ZFP41: variants seen among roughly 807,000 people sequenced by gnomAD.
ZFP41 encodes the protein zinc finger protein 41 homolog.
A neutral mutation model predicts 11.6 loss-of-function variants in ZFP41; 10 were observed. The observed-to-expected ratio is 0.86, with a 90% CI of 0.53 to 1.47. The LOEUF is 1.47. Among genes scored for constraint, ZFP41 ranks in the 40% most tolerant of loss-of-function variants. ZFP41 has a pLI of 0.00. For synonymous variants in ZFP41, 123 were observed against 100.9 expected (o/e 1.22, Z -1.31); for missense variants, 302 against 264.6 (o/e 1.14, Z -0.98).
chr8:143,255,274 G>A (rs1814878761), intron 2 of ZFP41, among the ~76,000 whole-genome samples: 1 of 152,240 alleles, frequency 6.6e-6, no homozygotes, highest in South Asian at 2.1e-4. Flanking sequence ...TTTCCCAGGT[G>A]TGAAATGGCG....
At chr8:143,252,046 A>G (rs571418427) in intron 2 of ZFP41, among the ~76,000 whole-genome samples, 1 of 152,172 alleles carries the variant, frequency 6.6e-6, no homozygotes, top group Non-Finnish European at 1.5e-5. Context: ...AGCCTCTCTC[A>G]TGCCCACTGC....
chr8:143,260,842 C>T lies in ZFP41; in HGVS notation c.*1968C>T, dbSNP rs536868822. Reference sequence around the variant, plus strand: ...ATCCTCCCAGCCTCACTCGGCCAGCCGAGCTCTGTAGGCCTCAGAGTGCAG... The same window carrying T: ...ATCCTCCCAGCCTCACTCGGCCAGCTGAGCTCTGTAGGCCTCAGAGTGCAG... On this transcript the variant is annotated 3_prime_UTR_variant, in exon 3 of 3. Coordinates refer to ENST00000330701, the MANE Select transcript of ZFP41 (RefSeq NM_173832.6). 3.5e-4 allele frequency: 62 copies of T among 179,136 alleles called. No homozygotes were observed. Among genetic ancestry groups the T allele is most frequent in the Middle Eastern group, 5.2e-3 (2 of 382 alleles). The allele number at this position is 179,136 out of a possible 1,614,324, so 11.1% of individuals were successfully genotyped here.
chr8:143,258,396 A>G lies in ZFP41; in HGVS notation c.*901-1379A>G, dbSNP rs111276353. On this transcript the variant is annotated intron_variant, in intron 2 of 2. Transcript: ENST00000330701. The stretch of plus-strand genomic sequence containing the variant: ...CCTCCCTTCCTGTGACTGAGAGAGA[A>G]GGACTCAGAGATGGCAGAGCCACAC... Among the ~76,000 whole-genome samples, 108 of 152,280 alleles carry G rather than the reference A, an allele frequency of 7.1e-4. 1 individual carries two copies. The highest frequency in any genetic ancestry group is 2.5e-3 in the African/African-American group (103 of 41,554).
At chr8:143,252,755 C>A in intron 2 of ZFP41, 1 of 471,836 alleles carries the variant, frequency 2.1e-6, no homozygotes, top group Non-Finnish European at 2.8e-6. Flanking sequence ...CTCCCCGGGG[C>A]TGTGGTCAGC....
At chr8:143,249,208 C>T (rs141133598) in intron 1 of ZFP41, 1 of 152,630 alleles carries the variant, frequency 6.6e-6, no homozygotes, top group East Asian at 1.9e-4. Context: ...ATGAGGGGTT[C>T]TGCTGGCTGC....
chr8:143,248,279 G>A (rs1816729679), intron 1 of ZFP41: 1 of 152,218 alleles, frequency 6.6e-6, no homozygotes, highest in Non-Finnish European at 1.5e-5. Flanking sequence ...CTAGGATTTG[G>A]AGATAAAAAA....
At chr8:143,252,402 G>A (rs1814787643) in intron 2 of ZFP41, among the ~76,000 whole-genome samples, 1 of 152,262 alleles carries the variant, frequency 6.6e-6, no homozygotes, top group African/African-American at 2.4e-5. Context: ...GTGTGGCTGT[G>A]CTCGCCTGCG....
Position 143,250,519 on chromosome 8 carries a change from G to A in ZFP41, c.*79G>A, listed in dbSNP as rs1298469219. On this transcript the variant is annotated 3_prime_UTR_variant, in exon 2 of 3. Coordinates refer to ENST00000330701, the MANE Select transcript of ZFP41 (RefSeq NM_173832.6). ...GCTCCGTGGCTCCCTCGTGTCCCGC[G>A]TCTGATGGGGGCGCAGGGCCGTGCG... The A allele has an allele frequency of 1.9e-5, 29 of 1,547,770 alleles. No individual in the cohort carries two copies. Among genetic ancestry groups the A allele is most frequent in the Middle Eastern group, 2.1e-4 (1 of 4,814 alleles).
At chr8:143,252,999 A>G (rs1243846489) in intron 2 of ZFP41, 1 of 152,138 alleles carries the variant, frequency 6.6e-6, no homozygotes, top group African/African-American at 2.4e-5. Flanking sequence ...GAATACTCGC[A>G]CTCCCAGAAA....
At chr8:143,253,227 T>A (rs1198045321) in intron 2 of ZFP41, 1 of 152,326 alleles carries the variant, frequency 6.6e-6, no homozygotes, top group East Asian at 1.9e-4. Context: ...GTCCTCCTAC[T>A]GCAGATGCAC....
At position 143,250,835 on chromosome 8, in the gene ZFP41, A is replaced by C; in HGVS notation, c.*395A>C. ...CTCCTGGTGTAGTGGGCAGCCCAGC[A>C]CTTCCCGCTGCTGCCTGCCTGTGAT... On this transcript the variant is annotated 3_prime_UTR_variant, in exon 2 of 3. Transcript: ENST00000330701. 4 of 238,572 alleles carry C rather than the reference A, an allele frequency of 1.7e-5. No homozygotes were observed. The highest frequency in any genetic ancestry group is 2.7e-5 in the Non-Finnish European group (3 of 111,640). The allele number at this position is 238,572 out of a possible 1,614,324, so 14.8% of individuals were successfully genotyped here.
chr8:143,250,333 A>G lies in ZFP41; in HGVS notation c.490A>G (p.Thr164Ala), dbSNP rs770218698. ...CGSNLLKHQK[T>A]HTGEKPYECT... is the part of the protein sequence containing the mutation. The stretch of plus-strand genomic sequence containing the variant: ...CTCCAATCTCCTGAAACATCAGAAG[A>G]CGCACACCGGGGAGAAGCCCTACGA... Residue 164 changes from threonine (T) to alanine (A), a missense_variant, in exon 2 of 3, where the codon ACG becomes GCG. Transcript: ENST00000330701. The G allele has an allele frequency of 1.2e-6, 2 of 1,613,852 alleles. No individual in the cohort carries two copies. Among genetic ancestry groups the G allele is most frequent in the African/African-American group, 2.7e-5 (2 of 74,924 alleles).
Position 143,260,650 on chromosome 8 carries a change from CTT to C in ZFP41, c.*1777_*1778del, listed in dbSNP as rs552808586. On this transcript the variant is annotated 3_prime_UTR_variant, in exon 3 of 3. Transcript: ENST00000330701. ...AGCAGACACCATCCTTCCAGCCTCT[CTT>C]GGCCACCCGGACCAGCGGGCACCAC... 352 of 188,618 alleles carry C rather than the reference CTT, an allele frequency of 1.9e-3. 2 individuals carry two copies. The highest frequency in any genetic ancestry group is 8.0e-3 in the African/African-American group (335 of 41,814). The allele number at this position is 188,618 out of a possible 1,614,324, so 11.7% of individuals were successfully genotyped here. A position where few individuals can be genotyped will look rare whatever the true frequency, so the allele number is the denominator to read the frequency against.
chr8:143,254,208 A>G (rs564370796), intron 2 of ZFP41, among the ~76,000 whole-genome samples: 1 of 152,296 alleles, frequency 6.6e-6, no homozygotes, highest in African/African-American at 2.4e-5. Flanking sequence ...ACCAGAAGCC[A>G]AGCAGATACC....
At position 143,260,137 on chromosome 8, in the gene ZFP41, ATCGTGCAGGGAAGCACCCTGTGAAG is replaced by A. The variant is rs1563730587; in HGVS notation, c.*1281_*1305del. Reference sequence around the variant, plus strand: ...ATCGTGCAGGGAAGCACCCTCTGAAATCGTGCAGGGAAGCACCCTGTGAAGTCGTGCAGGGAAGCACCTTCTGAAA... The same window carrying A: ...ATCGTGCAGGGAAGCACCCTCTGAAATCGTGCAGGGAAGCACCTTCTGAAA... On this transcript the variant is annotated 3_prime_UTR_variant, in exon 3 of 3. Coordinates refer to ENST00000330701, the MANE Select transcript of ZFP41 (RefSeq NM_173832.6). 2.6e-5 allele frequency: 4 copies of A among 151,400 alleles called. No individual in the cohort carries two copies. Among genetic ancestry groups the A allele is most frequent in the Admixed American group, 1.3e-4 (2 of 15,188 alleles). The allele number at this position is 151,400 out of a possible 1,614,324, so 9.4% of individuals were successfully genotyped here. A position where few individuals can be genotyped will look rare whatever the true frequency, so the allele number is the denominator to read the frequency against.
chr8:143,249,847 G>A lies in ZFP41; in HGVS notation c.4G>A (p.Glu2Lys), dbSNP rs1305669909. ...CACGCTTCCAAGGAACAGAATGATG[G>A]AGAAGCCTGCAGGCAGAAAAAAGAA... MEKPAGRKKKTP... is the reference protein window; with the variant it reads MKKPAGRKKKTP... Residue 2 changes from glutamate to lysine, a missense_variant, in exon 2 of 3, where the codon GAG (glutamate) becomes AAG (lysine). By Grantham distance (56) the Glu-to-Lys change is moderately conservative. Transcript: ENST00000330701. 6.3e-7 allele frequency: 1 copy of A among 1,591,120 alleles called. No individual in the cohort carries two copies. Among genetic ancestry groups the A allele is most frequent in the Non-Finnish European group, 8.5e-7 (1 of 1,171,994 alleles).
chr8:143,252,088 A>G (rs1344677816), intron 2 of ZFP41, among the ~76,000 whole-genome samples: 2 of 152,198 alleles, frequency 1.3e-5, no homozygotes, highest in African/African-American at 4.8e-5. Context: ...GTGTCTCCTC[A>G]CTTCCCCTTC....
rs1224228952 is a variant in ZFP41 at position 143,251,278 on chromosome 8, C to G, written c.*838C>G. 1 of 167,324 alleles carries G rather than the reference C, an allele frequency of 6.0e-6. No individual in the cohort carries two copies. The highest frequency in any genetic ancestry group is 1.5e-5 in the Non-Finnish European group (1 of 68,364). The allele number at this position is 167,324 out of a possible 1,614,324, so 10.4% of individuals were successfully genotyped here. A position where few individuals can be genotyped will look rare whatever the true frequency, so the allele number is the denominator to read the frequency against. On this transcript the variant is annotated 3_prime_UTR_variant, in exon 2 of 3. Transcript: ENST00000330701. ...TCGGCAGCTTCGGTCCAGCCTGCAT[C>G]TGCCCCTCGGCCTTCCGACGTGGGC...
At position 143,250,771 on chromosome 8, in the gene ZFP41, G is replaced by C. The variant is rs906646475; in HGVS notation, c.*331G>C. 2 of 371,746 alleles carry C rather than the reference G, an allele frequency of 5.4e-6. No individual in the cohort carries two copies. Among genetic ancestry groups the C allele is most frequent in the African/African-American group, 4.1e-5 (2 of 48,974 alleles). The allele number at this position is 371,746 out of a possible 1,614,324, so 23.0% of individuals were successfully genotyped here. On this transcript the variant is annotated 3_prime_UTR_variant, in exon 2 of 3. Coordinates refer to ENST00000330701, the MANE Select transcript of ZFP41 (RefSeq NM_173832.6). ...AGGGAGTATTCACTGCCATCCATTGGACGTGTTTGGGTCACCTCAGAGCAC... is the reference window on the plus strand; with the variant it reads ...AGGGAGTATTCACTGCCATCCATTGCACGTGTTTGGGTCACCTCAGAGCAC...
Sources: allele counts gnomAD v4.1 joint callset (sites outside exome capture counted in the v4.1 genomes callset), GRCh38; gene constraint gnomAD v4.1.1; transcripts MANE v1.5; gene names NCBI Gene and HGNC (gene_info 2026-07-23, HGNC 2026-07-21).